The following P2RX7 variants were observed in gnomAD, a reference collection of about 807,000 sequenced individuals.
P2RX7 encodes the protein P2X purinoceptor 7.
P2RX7 carries 62 observed loss-of-function variants against 71.6 expected under a neutral mutation model. That is an observed-to-expected ratio of 0.87 (90% CI 0.71 to 1.07). The LOEUF is 1.07. Ranked by LOEUF, P2RX7 falls within the 50% of genes least tolerant of loss-of-function variation. The probability of loss-of-function intolerance (pLI) is 0.00; values close to 1 mark genes in which losing one functional copy is unlikely to be tolerated. For missense variants in P2RX7, 686 were observed against 748.5 expected (o/e 0.92, Z 0.97); for synonymous variants, 299 against 283.3 (o/e 1.06, Z -0.56).
At position 121,160,634 on chromosome 12, in the gene P2RX7, A is replaced by G. The variant is rs113201535; in HGVS notation, c.364-268A>G. On this transcript the variant is annotated intron_variant, in intron 3 of 12. Coordinates refer to ENST00000328963, the MANE Select transcript of P2RX7 (RefSeq NM_002562.6). ...TTGTGTCTGTCTTCTTTCACTCAGC[A>G]TCATGTTCTCCAGGTCCATCCATGT... Among the ~76,000 whole-genome samples, 353 of 152,252 alleles carry G rather than the reference A, an allele frequency of 2.3e-3. 2 individuals carry two copies. Among genetic ancestry groups the G allele is most frequent in the African/African-American group, 7.9e-3 (329 of 41,544 alleles).
intron 1 of P2RX7, among the ~76,000 whole-genome samples, chr12:121,137,062 G>A (rs570588771): frequency 2.4e-4 from 36 of 152,246 alleles, no homozygotes; most frequent in African/African-American, 6.0e-4. Context: ...TAACTTACAT[G>A]TATTTAACTC....
intron 11 of P2RX7, among the ~76,000 whole-genome samples, chr12:121,178,791 C>CA (rs386377968): frequency 0.073 from 4,832 of 66,334 alleles, 588 homozygotes; most frequent in African/African-American, 0.24. Context: ...AACTCTGTCT[C>CA]AAAAAAAAAA....
At chr12:121,136,477 TCTGA>T (rs969807994) in intron 1 of P2RX7, among the ~76,000 whole-genome samples, 20 of 149,868 alleles carry the variant, frequency 1.3e-4, no homozygotes, top group African/African-American at 4.7e-4. Flanking sequence ...CGCCATGATG[TCTGA>T]CTAATTTTTT....
At chr12:121,163,750 T>C (rs778039694) in intron 5 of P2RX7, among the ~76,000 whole-genome samples, 5 of 152,114 alleles carry the variant, frequency 3.3e-5, no homozygotes, top group Non-Finnish European at 4.4e-5. Context: ...GAGCCATTGC[T>C]CCCAGCCTGA....
intron 11 of P2RX7, among the ~76,000 whole-genome samples, chr12:121,179,507 A>C (rs1451440621): frequency 6.6e-6 from 1 of 151,848 alleles, no homozygotes; most frequent in South Asian, 2.1e-4. Context: ...TCTCAAAAAA[A>C]AAAAAAAAAC....
At position 121,175,322 on chromosome 12, in the gene P2RX7, A is replaced by AAAC. The variant is rs1565972725; in HGVS notation, c.882-64_882-63insCAA. ...TGAGACCCTGTCTCAAAAAAAAAAA[A>AAAC]AAAAAAACCCAAAACCCAGCACTTT... On this transcript the variant is annotated intron_variant, in intron 8 of 12. Transcript: ENST00000328963. 118 of 996,498 alleles carry AAAC rather than the reference A, an allele frequency of 1.2e-4. No individual in the cohort carries two copies. In the African/African-American group the frequency reaches 1.7e-3, roughly 14 times the overall value. The allele number at this position is 996,498 out of a possible 1,614,324, so 61.7% of individuals were successfully genotyped here.
At chr12:121,145,776 G>T (rs1176909027) in intron 1 of P2RX7, among the ~76,000 whole-genome samples, 1 of 152,106 alleles carries the variant, frequency 6.6e-6, no homozygotes, top group Non-Finnish European at 1.5e-5. Flanking sequence ...AAAGTGCTGG[G>T]ATTACAGGCG....
chr12:121,154,392 G>A lies in P2RX7; in HGVS notation c.126-393G>A, dbSNP rs374120994. Among the ~76,000 whole-genome samples, 5 of 152,284 alleles carry A rather than the reference G, an allele frequency of 3.3e-5. No homozygotes were observed. In the East Asian group the frequency reaches 9.6e-4, roughly 29 times the overall value. On this transcript the variant is annotated intron_variant, in intron 1 of 12. Transcript: ENST00000328963. The surrounding 1 kb of genome is among the most constrained non-coding windows in gnomAD (Gnocchi z 4.2). Reference sequence around the variant, plus strand: ...AATGCACCAGATGCAGCCTTAGACTGGAAGGTGCTGATGTGTTACTGAGCC... The same window carrying A: ...AATGCACCAGATGCAGCCTTAGACTAGAAGGTGCTGATGTGTTACTGAGCC...
chr12:121,133,678 A>G (rs906114118), intron 1 of P2RX7, among the ~76,000 whole-genome samples: 1 of 152,200 alleles, frequency 6.6e-6, no homozygotes, highest in African/African-American at 2.4e-5. Flanking sequence ...ATTTTAGAAT[A>G]TTTTAATCGA....
intron 1 of P2RX7, among the ~76,000 whole-genome samples, chr12:121,145,357 T>C (rs750078034): frequency 2.0e-5 from 3 of 152,062 alleles, no homozygotes; most frequent in African/African-American, 2.4e-5. Context: ...GGTGTATCTA[T>C]TGGATTTAGT....
chr12:121,143,763 A>G (rs1467094467), intron 1 of P2RX7, among the ~76,000 whole-genome samples: 1 of 151,760 alleles, frequency 6.6e-6, no homozygotes, highest in African/African-American at 2.4e-5. Context: ...GAGGCAGGAG[A>G]ATCGCTTGAA....
At chr12:121,166,958 AG>A (rs1487760389) in intron 7 of P2RX7, among the ~76,000 whole-genome samples, 11 of 151,578 alleles carry the variant, frequency 7.3e-5, no homozygotes, top group Non-Finnish European at 1.5e-4. Flanking sequence ...AGGCTGAGAC[AG>A]GAGAATCGCT....
At chr12:121,145,786 G>A (rs190566233) in intron 1 of P2RX7, among the ~76,000 whole-genome samples, 6 of 152,072 alleles carry the variant, frequency 3.9e-5, no homozygotes, top group Non-Finnish European at 8.8e-5. Flanking sequence ...GATTACAGGC[G>A]TGAGCCACCG....
At chr12:121,157,262 G>A (rs1287600308) in intron 3 of P2RX7, among the ~76,000 whole-genome samples, 1 of 152,152 alleles carries the variant, frequency 6.6e-6, no homozygotes, top group Non-Finnish European at 1.5e-5. Flanking sequence ...GTGGAGTTTT[G>A]CTCACGGGCC....
At chr12:121,145,165 G>C (rs1875864749) in intron 1 of P2RX7, among the ~76,000 whole-genome samples, 1 of 152,184 alleles carries the variant, frequency 6.6e-6, no homozygotes, top group Non-Finnish European at 1.5e-5. Context: ...CCAAAGGAGT[G>C]CTAACCTTTA....
chr12:121,182,061 TAA>T (rs57873643), intron 12 of P2RX7, among the ~76,000 whole-genome samples: 38 of 128,868 alleles, frequency 2.9e-4, no homozygotes, highest in Middle Eastern at 3.9e-3. Flanking sequence ...AAGCTCCATC[TAA>T]AAAAAAAAAA....
At chr12:121,145,225 C>T (rs956438127) in intron 1 of P2RX7, among the ~76,000 whole-genome samples, 3 of 152,088 alleles carry the variant, frequency 2.0e-5, no homozygotes, top group East Asian at 1.9e-4. Context: ...GTAGCCACGG[C>T]GATCCAGTGA....
At position 121,162,450 on chromosome 12, in the gene P2RX7, T is replaced by A. The variant is rs208294; in HGVS notation, c.463T>A (p.Tyr155Asn). 1.2e-5 allele frequency: 19 copies of A among 1,613,516 alleles called. No homozygotes were observed. Among genetic ancestry groups the A allele is most frequent in the Non-Finnish European group, 1.6e-5 (19 of 1,179,852 alleles). Residue 155 changes from tyrosine (Y) to asparagine (N), a missense_variant, in exon 5 of 13, where the codon TAT (tyrosine) becomes AAT (asparagine). Physicochemically the swap from Tyr to Asn is moderately radical, Grantham distance 143. Coordinates refer to ENST00000328963, the MANE Select transcript of P2RX7 (RefSeq NM_002562.6). The stretch of plus-strand genomic sequence containing the variant: ...AATTCAGACCGGAAGGTGTGTAGTG[T>A]ATGAAGGGAACCAGAAGACCTGTGA... ...KGIQTGRCVV[Y>N]EGNQKTCEVS... is the part of the protein sequence containing the mutation.
At chr12:121,178,616 A>G (rs1883558436) in intron 11 of P2RX7, among the ~76,000 whole-genome samples, 1 of 152,046 alleles carries the variant, frequency 6.6e-6, no homozygotes, top group Admixed American at 6.6e-5. Flanking sequence ...ACATGGTGAA[A>G]CCCCATCTCT....
Sources: gnomAD v4.1 joint callset for allele counts (sites outside exome capture counted in the v4.1 genomes callset) on GRCh38, gnomAD v4.1.1 for gene constraint, Gnocchi (gnomAD v3.1) non-coding constraint, MANE v1.5 for transcripts, NCBI Gene and HGNC (gene_info 2026-07-23, HGNC 2026-07-21) for gene names.